FGF14: variants seen among roughly 807,000 people sequenced by gnomAD.
The protein encoded by FGF14 is fibroblast growth factor 14, also known as fibroblast growth factor homologous factor 4.
Under a neutral mutation model 25.5 loss-of-function variants are expected in FGF14, and 5 were observed. The observed-to-expected ratio is 0.20, with a 90% CI of 0.10 to 0.41. The LOEUF is 0.41. Ranked by LOEUF, FGF14 falls within the 10% of genes least tolerant of loss-of-function variation. FGF14 has a pLI of 1.00. For synonymous variants in FGF14, 138 were observed against 118.3 expected (o/e 1.17, Z -1.08); for missense variants, 222 against 320.1 (o/e 0.69, Z 2.34).
intron 1 of FGF14, among the ~76,000 whole-genome samples, chr13:101,894,966 G>A (rs2030411285): frequency 6.6e-6 from 1 of 151,980 alleles, no homozygotes. Context: ...AACATTTTTT[G>A]CCCTCATTTA....
chr13:102,378,796 T>TCAATAAAAAAAAG (rs1049524647), intron 1 of FGF14, among the ~76,000 whole-genome samples: 18 of 151,990 alleles, frequency 1.2e-4, no homozygotes, highest in Admixed American at 1.1e-3. Flanking sequence ...GCTGTCTTTA[T>TCAATAAAAAAAAG]CAATAAAAAA....
rs140492833 is a variant in FGF14 at position 102,030,269 on chromosome 13, A to G, written c.209-154973T>C. Among the ~76,000 whole-genome samples, 5 of 152,204 alleles carry G rather than the reference A, an allele frequency of 3.3e-5. No homozygotes were observed. The East Asian group carries it at 9.7e-4, about 30-fold the overall frequency. Reference sequence around the variant, plus strand: ...GTCTTCTTGGGTGGTAAAAGTTAATATGCTTTTCTAATCAGTCTGCCCCAG... The same window carrying G: ...GTCTTCTTGGGTGGTAAAAGTTAATGTGCTTTTCTAATCAGTCTGCCCCAG... On this transcript the variant is annotated intron_variant, in intron 1 of 4. Coordinates refer to the FGF14 transcript ENST00000376131.
At chr13:102,215,590 C>T (rs2050336971) in intron 1 of FGF14, among the ~76,000 whole-genome samples, 1 of 152,158 alleles carries the variant, frequency 6.6e-6, no homozygotes, top group East Asian at 1.9e-4. Flanking sequence ...TTGGTCCTAA[C>T]AGCCAGGTTA....
intron 3 of FGF14, among the ~76,000 whole-genome samples, chr13:101,794,643 C>A (rs1022469402): frequency 2.0e-5 from 3 of 152,040 alleles, no homozygotes; most frequent in African/African-American, 7.2e-5. Flanking sequence ...AAACAAAAAC[C>A]ACTACAACAA....
chr13:102,023,081 C>G (rs1886935), intron 1 of FGF14, among the ~76,000 whole-genome samples: 5,206 of 149,134 alleles, frequency 0.035, 301 homozygotes, highest in African/African-American at 0.12. Context: ...CACACACAGC[C>G]AACAGCCACA....
chr13:102,346,122 A>ATT (rs2057098256), intron 1 of FGF14, among the ~76,000 whole-genome samples: 3 of 152,176 alleles, frequency 2.0e-5, no homozygotes, highest in Non-Finnish European at 4.4e-5. Flanking sequence ...CCAAATCCTG[A>ATT]AGTATTTTGG....
At chr13:102,098,086 T>C (rs1032718035) in intron 1 of FGF14, among the ~76,000 whole-genome samples, 1 of 152,200 alleles carries the variant, frequency 6.6e-6, no homozygotes, top group African/African-American at 2.4e-5. Context: ...ATCTCCAGCA[T>C]TACCTGTACA....
At chr13:102,177,970 C>T (rs1036802419) in intron 1 of FGF14, among the ~76,000 whole-genome samples, 1 of 152,010 alleles carries the variant, frequency 6.6e-6, no homozygotes, top group Non-Finnish European at 1.5e-5. Context: ...GCACATGTCT[C>T]TCTCAGTTCA....
chr13:102,399,029 C>A (rs2058643251), intron 1 of FGF14, among the ~76,000 whole-genome samples: 1 of 151,878 alleles, frequency 6.6e-6, no homozygotes, highest in African/African-American at 2.4e-5. Flanking sequence ...TCAATTCATA[C>A]CCAAATACTT....
At chr13:102,396,771 T>C (rs1408160144) in intron 1 of FGF14, among the ~76,000 whole-genome samples, 6 of 152,204 alleles carry the variant, frequency 3.9e-5, no homozygotes, top group South Asian at 2.1e-4. Flanking sequence ...TTTACACTTA[T>C]TAACTGGGAT....
intron 1 of FGF14, among the ~76,000 whole-genome samples, chr13:102,135,240 A>C (rs768047134): frequency 6.6e-6 from 1 of 152,106 alleles, no homozygotes; most frequent in Non-Finnish European, 1.5e-5. Flanking sequence ...ACAGGATAAA[A>C]GTCACAGAAA....
intron 1 of FGF14, among the ~76,000 whole-genome samples, chr13:102,372,947 TA>T (rs1175306874): frequency 1.3e-5 from 2 of 152,002 alleles, no homozygotes; most frequent in East Asian, 3.9e-4. Context: ...AGGCTGAAAA[TA>T]ATAATTTACC....
chr13:102,050,681 C>T (rs145281106), intron 1 of FGF14, among the ~76,000 whole-genome samples: 266 of 152,130 alleles, frequency 1.7e-3, no homozygotes, highest in African/African-American at 6.1e-3. Flanking sequence ...ATCCCACACA[C>T]ACAAAAAGAA....
In FGF14 at chr13:102,100,462, AG is replaced by A. The variant is rs146579526; in HGVS notation, c.209-225167del. The stretch of plus-strand genomic sequence containing the variant: ...ATTCCTGGCTTTGCAGAACAGAAGG[AG>A]GTGCTTCCGGACCGCTTGTCCAGCC... On this transcript the variant is annotated intron_variant, in intron 1 of 4. Transcript: ENST00000376131. 7.0e-3 allele frequency among the ~76,000 whole-genome samples: 1,066 copies of A among 152,342 alleles called. 8 individuals carry two copies. The highest frequency in any genetic ancestry group is 0.027 in the Middle Eastern group (8 of 294).
chr13:102,401,789 C>A (rs896894920), upstream of FGF14: 1 of 921,158 alleles, frequency 1.1e-6, no homozygotes, highest in Non-Finnish European at 1.7e-6. Context: ...AATGATTTAT[C>A]CCCCCTCGAT....
In FGF14 at chr13:101,721,084, A is replaced by G. The variant is rs1594019657; in HGVS notation, c.*1747T>C. 2.0e-5 allele frequency: 3 copies of G among 152,148 alleles called. No individual in the cohort carries two copies. Among genetic ancestry groups the G allele is most frequent in the African/African-American group, 7.2e-5 (3 of 41,448 alleles). 9.4% of individuals were successfully genotyped at this position (152,148 alleles called of 1,614,324 possible). ...GACTGGGTCATCCTCCCACATAGAAAGAATAACAAGAGGCCAGTACATTGA... is the reference window on the plus strand; with the variant it reads ...GACTGGGTCATCCTCCCACATAGAAGGAATAACAAGAGGCCAGTACATTGA... On this transcript the variant is annotated 3_prime_UTR_variant, in exon 5 of 5. Coordinates refer to ENST00000376143, the MANE Select transcript of FGF14 (RefSeq NM_004115.4).
intron 1 of FGF14, chr13:102,366,614 C>A: frequency 2.0e-5 from 2 of 98,796 alleles, no homozygotes; most frequent in South Asian, 3.4e-4. Context: ...CCACATTCTC[C>A]TTGCAAAAAA....
chr13:101,848,950 T>C (rs1369395688), intron 3 of FGF14, among the ~76,000 whole-genome samples: 1 of 152,086 alleles, frequency 6.6e-6, no homozygotes, highest in Admixed American at 6.6e-5. Context: ...ATTAAAATGT[T>C]GGTATAAATG....
At chr13:101,806,503 T>C (rs923377554) in intron 3 of FGF14, among the ~76,000 whole-genome samples, 4 of 151,310 alleles carry the variant, frequency 2.6e-5, no homozygotes, top group Admixed American at 6.6e-5. Context: ...TTCCAAAATA[T>C]GAACAAAAAG....
Sources: gnomAD v4.1 joint callset for allele counts (sites outside exome capture counted in the v4.1 genomes callset) on GRCh38, gnomAD v4.1.1 for gene constraint, MANE v1.5 for transcripts, NCBI Gene and HGNC (gene_info 2026-07-23, HGNC 2026-07-21) for gene names.